KCNH8: variants seen among roughly 807,000 people sequenced by gnomAD.
The protein encoded by KCNH8 is voltage-gated delayed rectifier potassium channel KCNH8.
A neutral mutation model predicts 103.6 loss-of-function variants in KCNH8; 70 were observed. The observed-to-expected ratio is 0.68, with a 90% CI of 0.56 to 0.82. The LOEUF (loss-of-function observed/expected upper bound fraction) is 0.82, where lower values mean the gene tolerates loss of function less well. Among genes scored for constraint, KCNH8 ranks in the 40% least tolerant of loss-of-function variants. The probability of loss-of-function intolerance (pLI) is 0.00; values close to 1 mark genes in which losing one functional copy is unlikely to be tolerated. For missense variants in KCNH8, 1,217 were observed against 1,329.9 expected (o/e 0.92, Z 1.32); for synonymous variants, 498 against 489.4 (o/e 1.02, Z -0.23).
At chr3:19,220,016 A>T (rs1316194936) in intron 1 of KCNH8, among the ~76,000 whole-genome samples, 1 of 152,210 alleles carries the variant, frequency 6.6e-6, no homozygotes, top group Admixed American at 6.5e-5. Context: ...TGCCTTAATA[A>T]TCACATCAAG....
chr3:19,408,663 A>G (rs2066730980), intron 7 of KCNH8, among the ~76,000 whole-genome samples: 1 of 152,188 alleles, frequency 6.6e-6, no homozygotes, highest in Non-Finnish European at 1.5e-5. Flanking sequence ...TGCCCTAAAA[A>G]GAAAATCAGT....
intron 1 of KCNH8, 46 bp downstream of exon 1, chr3:19,148,841 A>G (rs760206086): frequency 1.3e-6 from 2 of 1,529,992 alleles, no homozygotes; most frequent in Non-Finnish European, 1.8e-6. Context: ...TCTGAGACTG[A>G]TTTTTCTCGT....
At chr3:19,515,486 T>G in intron 14 of KCNH8, 58 bp downstream of exon 14, 2 of 836,348 alleles carry the variant, frequency 2.4e-6, no homozygotes, top group Non-Finnish European at 3.3e-6. Context: ...ACTTGTAATG[T>G]TTGTTATGGG....
chr3:19,201,845 C>T (rs1168212217), intron 1 of KCNH8, among the ~76,000 whole-genome samples: 3 of 152,168 alleles, frequency 2.0e-5, no homozygotes, highest in Non-Finnish European at 2.9e-5. Context: ...TTTATTAATA[C>T]TTATGTTATT....
chr3:19,355,219 A>G (rs2065863776), intron 5 of KCNH8, among the ~76,000 whole-genome samples: 1 of 152,234 alleles, frequency 6.6e-6, no homozygotes, highest in African/African-American at 2.4e-5. Context: ...CGATCATTAA[A>G]AAGTCAAGAA....
chr3:19,298,135 G>A (rs556318959), intron 3 of KCNH8, among the ~76,000 whole-genome samples: 113 of 152,138 alleles, frequency 7.4e-4, no homozygotes, highest in Non-Finnish European at 1.4e-3. Flanking sequence ...AAACAGGGAC[G>A]GCAAAAAAGA....
chr3:19,385,845 A>G (rs2066349131), intron 5 of KCNH8, among the ~76,000 whole-genome samples: 1 of 152,142 alleles, frequency 6.6e-6, no homozygotes, highest in Non-Finnish European at 1.5e-5. Flanking sequence ...TTAATTAAAT[A>G]TCTCTCCGCC....
At chr3:19,421,510 A>G (rs1371090994) in intron 7 of KCNH8, among the ~76,000 whole-genome samples, 1 of 152,102 alleles carries the variant, frequency 6.6e-6, no homozygotes, top group Non-Finnish European at 1.5e-5. Context: ...CAACAGAGTT[A>G]AACAATTCCT....
At position 19,221,426 on chromosome 3, in the gene KCNH8, C is replaced by T. The variant is rs149171026; in HGVS notation, c.77-32228C>T. Reference sequence around the variant, plus strand: ...GGAAAAGTATTATAAGAGATACATTCGGCAGTCAGTGATTAATAAAGCCAT... The same window carrying T: ...GGAAAAGTATTATAAGAGATACATTTGGCAGTCAGTGATTAATAAAGCCAT... On this transcript the variant is annotated intron_variant, in intron 1 of 15. Coordinates refer to ENST00000328405, the MANE Select transcript of KCNH8 (RefSeq NM_144633.3). Among the ~76,000 whole-genome samples, 1,059 of 152,260 alleles carry T rather than the reference C, an allele frequency of 7.0e-3. 2 individuals are homozygous for T. Among genetic ancestry groups the T allele is most frequent in the African/African-American group, 9.1e-3 (377 of 41,562 alleles).
intron 1 of KCNH8, among the ~76,000 whole-genome samples, chr3:19,197,090 C>T (rs1037909776): frequency 2.0e-5 from 3 of 151,962 alleles, no homozygotes; most frequent in Non-Finnish European, 4.4e-5. Context: ...AATCTGTTGC[C>T]TTTGATTTTT....
At chr3:19,411,398 C>A (rs1208391197) in intron 7 of KCNH8, among the ~76,000 whole-genome samples, 1 of 151,986 alleles carries the variant, frequency 6.6e-6, no homozygotes, top group Non-Finnish European at 1.5e-5. Context: ...GACATACCCC[C>A]AGCCAATATC....
At chr3:19,459,315 C>T (rs972105697) in intron 11 of KCNH8, among the ~76,000 whole-genome samples, 2 of 151,658 alleles carry the variant, frequency 1.3e-5, no homozygotes, top group East Asian at 1.9e-4. Flanking sequence ...TTTTAATTTG[C>T]ATTTTCCTAA....
intron 14 of KCNH8, among the ~76,000 whole-genome samples, chr3:19,515,974 T>C (rs1220843390): frequency 6.6e-6 from 1 of 152,084 alleles, no homozygotes; most frequent in African/African-American, 2.4e-5. Context: ...CAAATCCCTC[T>C]CTTTACTTTT....
intron 1 of KCNH8, among the ~76,000 whole-genome samples, chr3:19,195,458 A>G (rs944994661): frequency 6.6e-6 from 1 of 151,914 alleles, no homozygotes; most frequent in Non-Finnish European, 1.5e-5. Flanking sequence ...TGAATCAGAG[A>G]GGAATTCATG....
chr3:19,176,648 T>G (rs1218661888), intron 1 of KCNH8, among the ~76,000 whole-genome samples: 1 of 152,184 alleles, frequency 6.6e-6, no homozygotes, highest in Admixed American at 6.5e-5. Context: ...TGCAGTGTTA[T>G]ATAGTTGAAA....
At chr3:19,349,362 C>T (rs1224120338) in intron 5 of KCNH8, among the ~76,000 whole-genome samples, 1 of 151,990 alleles carries the variant, frequency 6.6e-6, no homozygotes, top group Non-Finnish European at 1.5e-5. Context: ...TCTCCTCCCA[C>T]CCACCCATGA....
chr3:19,403,400 A>ATATATATATATATATATATATAT (rs1553591408), intron 7 of KCNH8, among the ~76,000 whole-genome samples: 2 of 141,652 alleles, frequency 1.4e-5, no homozygotes, highest in Non-Finnish European at 3.1e-5. Flanking sequence ...ATATATATAT[A>ATATATATATATATATATATATAT]AAATCCTTCT....
chr3:19,269,257 A>G (rs1346080335), intron 2 of KCNH8, among the ~76,000 whole-genome samples: 1 of 152,106 alleles, frequency 6.6e-6, no homozygotes, highest in African/African-American at 2.4e-5. Context: ...ATCCTCTATG[A>G]TAAGGAGAGC....
intron 1 of KCNH8, among the ~76,000 whole-genome samples, chr3:19,151,577 A>G (rs1462058853): frequency 6.6e-6 from 1 of 152,120 alleles, no homozygotes; most frequent in Non-Finnish European, 1.5e-5. Flanking sequence ...AATGTAAGAC[A>G]TCATCTGAAA....
Sources: gnomAD v4.1 joint callset for allele counts (sites outside exome capture counted in the v4.1 genomes callset) on GRCh38, gnomAD v4.1.1 for gene constraint, MANE v1.5 for transcripts, NCBI Gene and HGNC (gene_info 2026-07-23, HGNC 2026-07-21) for gene names.